The following DHX34 variants were observed in gnomAD, a reference collection of about 807,000 sequenced individuals.
DHX34 encodes probable ATP-dependent RNA helicase DHX34.
Under a neutral mutation model 111.1 loss-of-function variants are expected in DHX34, and 96 were observed. That is an observed-to-expected ratio of 0.86 (90% confidence interval 0.73 to 1.02). The LOEUF (loss-of-function observed/expected upper bound fraction) is 1.02, where lower values mean the gene tolerates loss of function less well. Among genes scored for constraint, DHX34 ranks in the 50% least tolerant of loss-of-function variants. DHX34 has a pLI of 0.00. For synonymous variants in DHX34, 688 were observed against 670.4 expected (o/e 1.03, Z -0.41); for missense variants, 1,560 against 1,579.9 (o/e 0.99, Z 0.21).
rs1970296845 is a variant in DHX34, at chr19:47,379,865, G to A, written c.2862G>A (p.Leu954=). 6.2e-7 allele frequency: 1 copy of A among 1,613,730 alleles called. No homozygotes were observed. The highest frequency in any genetic ancestry group is 8.5e-7 in the Non-Finnish European group (1 of 1,179,820). The change falls in exon 14 of 17, where the codon CTG becomes CTA. Residue 954 remains leucine (L), a synonymous_variant. Transcript: ENST00000328771. The part of the protein sequence containing the change: ...LRLRARWESA[L]DRQLAHQAQQ... Reference sequence around the variant, plus strand: ...TCCGTGCCCGCTGGGAAAGTGCCCTGGACCGGCAGCTGGCGCACCAGGCCC... The same window carrying A: ...TCCGTGCCCGCTGGGAAAGTGCCCTAGACCGGCAGCTGGCGCACCAGGCCC...
In DHX34 at chr19:47,353,595, T is replaced by A; in HGVS notation, c.565T>A (p.Cys189Ser). ...QVVVVAGDTG[C>S]GKSTQVPQYL... ...GGTGGTAGTGGCCGGTGACACCGGC[T>A]GTGGCAAGTCCACTCAGGTGCCCCA... is the stretch of plus-strand genomic sequence containing the variant. Residue 189 changes from cysteine to serine, a missense_variant, in exon 2 of 17, where the codon TGT becomes AGT. Physicochemically the swap from Cys to Ser is moderately radical, Grantham distance 112. Transcript: ENST00000328771. This position sits in a 1 kb window ranked among gnomAD's most constrained non-coding sequence, Gnocchi z 4.6. 1 of 1,613,230 alleles carries A rather than the reference T, an allele frequency of 6.2e-7. No individual in the cohort carries two copies. Among genetic ancestry groups the A allele is most frequent in the East Asian group, 2.2e-5 (1 of 44,868 alleles).
intron 4 of DHX34, among the ~76,000 whole-genome samples, chr19:47,358,782 T>C (rs1222591751): frequency 6.6e-6 from 1 of 152,048 alleles, no homozygotes; most frequent in Non-Finnish European, 1.5e-5. Flanking sequence ...GTCCGGCTAA[T>C]CTTTTGTATA....
chr19:47,362,210 C>A, intron 5 of DHX34: 1 of 323,908 alleles, frequency 3.1e-6, no homozygotes, highest in Non-Finnish European at 4.1e-6. Context: ...GTTGAGACTG[C>A]AGTGAGCTCT....
rs1477457411 is a variant in DHX34 at position 47,379,786 on chromosome 19, T to G, written c.2783T>G (p.Leu928Arg). The G allele has an allele frequency of 1.2e-6, 2 of 1,613,304 alleles. No homozygotes were observed. The highest frequency in any genetic ancestry group is 3.3e-5 in the Admixed American group (2 of 59,992). The change falls in exon 14 of 17, where the codon CTG (leucine) becomes CGG (arginine). Residue 928 changes from leucine to arginine, a missense_variant. Coordinates refer to ENST00000328771, the MANE Select transcript of DHX34 (RefSeq NM_014681.6). ...SRLVADGWLELQLADSESAIR... is the reference protein window; with the variant it reads ...SRLVADGWLERQLADSESAIR... ...CTGGTGGCCGATGGCTGGCTGGAGCTGCAGCTAGCAGACAGTGAAAGTGCC... is the reference window on the plus strand; with the variant it reads ...CTGGTGGCCGATGGCTGGCTGGAGCGGCAGCTAGCAGACAGTGAAAGTGCC...
chr19:47,377,138 A>G lies in DHX34; in HGVS notation c.2638A>G (p.Ser880Gly). ...GATGAGCAGCAAACACCAGCTCCTCAGCTTCGTGTCCCTGCTGGAGACCAA... is the reference window on the plus strand; with the variant it reads ...GATGAGCAGCAAACACCAGCTCCTCGGCTTCGTGTCCCTGCTGGAGACCAA... Reference protein sequence around the residue: ...DKMSSKHQLLSFVSLLETNKP... With the variant: ...DKMSSKHQLLGFVSLLETNKP... Residue 880 changes from serine (S) to glycine (G), a missense_variant, in exon 13 of 17, where the codon AGC becomes GGC. By Grantham distance (56) the Ser-to-Gly change is moderately conservative. Transcript: ENST00000328771. 2 of 1,614,004 alleles carry G rather than the reference A, an allele frequency of 1.2e-6. No individual in the cohort carries two copies. Among genetic ancestry groups the G allele is most frequent in the African/African-American group, 1.3e-5 (1 of 75,054 alleles).
At chr19:47,375,769 G>A in intron 10 of DHX34, 61 bp downstream of exon 10, 1 of 1,557,736 alleles carries the variant, frequency 6.4e-7, no homozygotes, top group African/African-American at 1.4e-5. Flanking sequence ...CCTCTCCTGG[G>A]GGGGTCCCAG....
At position 47,379,156 on chromosome 19, in the gene DHX34, TAATAAG is replaced by T. The variant is rs1015528666; in HGVS notation, c.2707-551_2707-546del. Among the ~76,000 whole-genome samples, 111 of 148,998 alleles carry T rather than the reference TAATAAG, an allele frequency of 7.4e-4. 1 individual carries two copies. In the East Asian group the frequency reaches 0.01, roughly 14 times the overall value. The stretch of plus-strand genomic sequence containing the variant: ...TAAATAAATAAATTAATAATAATAA[TAATAAG>T]AAGAAGAAGATGGAGAAACTTCACA... On this transcript the variant is annotated intron_variant, in intron 13 of 16. Coordinates refer to ENST00000328771, the MANE Select transcript of DHX34 (RefSeq NM_014681.6).
intron 4 of DHX34, among the ~76,000 whole-genome samples, chr19:47,359,312 ACTAG>A (rs923409753): frequency 6.6e-5 from 10 of 152,214 alleles, no homozygotes; most frequent in African/African-American, 2.2e-4. Context: ...ACGGAAGAAA[ACTAG>A]CTGGGCATGG....
At chr19:47,364,490 C>T (rs1969731738) in intron 6 of DHX34, among the ~76,000 whole-genome samples, 1 of 152,064 alleles carries the variant, frequency 6.6e-6, no homozygotes, top group African/African-American at 2.4e-5. Flanking sequence ...GCCTGTTATC[C>T]CAGCACTTTG....
At chr19:47,380,500 A>G (rs1428995539) in intron 14 of DHX34, among the ~76,000 whole-genome samples, 2 of 151,880 alleles carry the variant, frequency 1.3e-5, no homozygotes, top group Non-Finnish European at 2.9e-5. Flanking sequence ...AGAGGGGACC[A>G]AGGCTGACAT....
intron 16 of DHX34, chr19:47,381,708 C>T: frequency 1.3e-6 from 1 of 774,004 alleles, no homozygotes; most frequent in Non-Finnish European, 2.0e-6. Flanking sequence ...GCACTGGGGC[C>T]ACATGCCTCC....
Position 47,353,325 on chromosome 19 carries a change from A to G in DHX34, c.295A>G (p.Thr99Ala), listed in dbSNP as rs1327637859. Residue 99 changes from threonine (T) to alanine (A), a missense_variant, in exon 2 of 17, where the codon ACT becomes GCT. By Grantham distance (58) the Thr-to-Ala change is moderately conservative. Coordinates refer to ENST00000328771, the MANE Select transcript of DHX34 (RefSeq NM_014681.6). This position sits in a 1 kb window ranked among gnomAD's most constrained non-coding sequence, Gnocchi z 4.6. ...CCCAGCGCTGGCCGACCTACCTCGCACTTACGACCCACGTTACCGCATCAA... is the reference window on the plus strand; with the variant it reads ...CCCAGCGCTGGCCGACCTACCTCGCGCTTACGACCCACGTTACCGCATCAA... ...SIPALADLPR[T>A]YDPRYRINLS... 1.2e-6 allele frequency: 2 copies of G among 1,614,124 alleles called. No homozygotes were observed. The highest frequency in any genetic ancestry group is 1.1e-5 in the South Asian group (1 of 91,082).
At chr19:47,368,692 A>G (rs1415967519) in intron 7 of DHX34, among the ~76,000 whole-genome samples, 1 of 150,274 alleles carries the variant, frequency 6.7e-6, no homozygotes, top group Non-Finnish European at 1.5e-5. Context: ...ATACACACAT[A>G]TATATACACA....
chr19:47,375,456 C>T lies in DHX34; in HGVS notation c.2065-10C>T. ...CCCTGAGGCCCTCACCCCTACCCAC[C>T]TGCCCCTAGGAGCTGTTGGAGGACC... On this transcript the variant is annotated splice_polypyrimidine_tract_variant and intron_variant, in intron 9 of 16. Transcript: ENST00000328771. The T allele has an allele frequency of 1.3e-6, 2 of 1,579,498 alleles. No homozygotes were observed. The highest frequency in any genetic ancestry group is 1.7e-6 in the Non-Finnish European group (2 of 1,170,654).
At position 47,377,792 on chromosome 19, in the gene DHX34, CTGGCAGCTGCCAGGAGGGA is replaced by C. The variant is rs529288238; in HGVS notation, c.2706+587_2706+605del. 1.3e-4 allele frequency among the ~76,000 whole-genome samples: 20 copies of C among 152,018 alleles called. No homozygotes were observed. The East Asian group carries it at 3.7e-3, about 28-fold the overall frequency. Reference sequence around the variant, plus strand: ...TGGGACAGGGTCCCAGCCAGGAGGGCTGGCAGCTGCCAGGAGGGAGAGGAGGGTGCTGCCCCGGTGGAGG... The same window carrying C: ...TGGGACAGGGTCCCAGCCAGGAGGGCGAGGAGGGTGCTGCCCCGGTGGAGG... On this transcript the variant is annotated intron_variant, in intron 13 of 16. Coordinates refer to ENST00000328771, the MANE Select transcript of DHX34 (RefSeq NM_014681.6).
chr19:47,369,673 C>T (rs1969907686), intron 7 of DHX34, among the ~76,000 whole-genome samples: 1 of 152,130 alleles, frequency 6.6e-6, no homozygotes, highest in African/African-American at 2.4e-5. Context: ...TGTTAATTGG[C>T]TGTCCTGGGA....
chr19:47,359,419 G>A (rs1174334986), intron 4 of DHX34, among the ~76,000 whole-genome samples: 2 of 150,940 alleles, frequency 1.3e-5, no homozygotes, highest in East Asian at 3.9e-4. Flanking sequence ...CTGTGATCAC[G>A]CCACTGCACT....
chr19:47,350,883 G>A (rs963196019), intron 1 of DHX34, among the ~76,000 whole-genome samples: 39 of 152,068 alleles, frequency 2.6e-4, no homozygotes, highest in African/African-American at 9.2e-4. Context: ...GAGAGATGAG[G>A]GTGATGATGA....
chr19:47,353,093 G>A lies in DHX34; in HGVS notation c.63G>A (p.Glu21=), dbSNP rs1344708829. Residue 21 remains glutamate (E), a synonymous_variant, in exon 2 of 17, where the codon GAG becomes GAA. Transcript: ENST00000328771. This position sits in a 1 kb window ranked among gnomAD's most constrained non-coding sequence, Gnocchi z 4.6. ...DRRDHHRAPS[E]EEALEKWDWN... ...GAGACCACCACCGGGCTCCCAGCGA[G>A]GAAGAGGCCTTGGAGAAATGGGACT... The A allele has an allele frequency of 6.2e-7, 1 of 1,614,164 alleles. No homozygotes were observed.
Sources: gnomAD v4.1 joint callset for allele counts (sites outside exome capture counted in the v4.1 genomes callset) on GRCh38, gnomAD v4.1.1 for gene constraint, Gnocchi (gnomAD v3.1) non-coding constraint, MANE v1.5 for transcripts, NCBI Gene and HGNC (gene_info 2026-07-23, HGNC 2026-07-21) for gene names.